BICD1: variants seen among roughly 807,000 people sequenced by gnomAD.
BICD1 encodes the protein BICD cargo adaptor 1.
A neutral mutation model predicts 92.5 loss-of-function variants in BICD1; 35 were observed. The ratio of observed to expected loss-of-function variants is 0.38; its 90% CI spans 0.29 to 0.50. BICD1 has a LOEUF of 0.50. BICD1 is among the 20% of genes least tolerant of loss of function. The pLI, the probability that BICD1 is intolerant of heterozygous loss-of-function variation, is 0.93. For synonymous variants in BICD1, 429 were observed against 465.1 expected (o/e 0.92, Z 1.00); for missense variants, 950 against 1,189.8 (o/e 0.80, Z 2.97).
chr12:32,317,558 G>T (rs182687566), intron 4 of BICD1, among the ~76,000 whole-genome samples: 1,548 of 152,138 alleles, frequency 0.01, 28 homozygotes, highest in African/African-American at 0.036. Flanking sequence ...GGGGTTGTTT[G>T]TTTTTTTCTT....
rs1939801417 is a variant in BICD1 at position 32,373,088 on chromosome 12, A to T, written c.2841-4452A>T. Among the ~76,000 whole-genome samples the T allele has an allele frequency of 2.0e-5, 3 of 152,190 alleles. No homozygotes were observed. In the South Asian group the frequency reaches 6.2e-4, roughly 31 times the overall value. On this transcript the variant is annotated intron_variant, in intron 9 of 9. Coordinates refer to ENST00000652176, the MANE Select transcript of BICD1 (RefSeq NM_001714.4). ...TATCAAGTAGTTTTCTACTTGGGAAAAAAAAAGAAACTTCCTGAAGATGTA... is the reference window on the plus strand; with the variant it reads ...TATCAAGTAGTTTTCTACTTGGGAATAAAAAAGAAACTTCCTGAAGATGTA...
At chr12:32,127,955 G>A (rs1942401428) in intron 1 of BICD1, among the ~76,000 whole-genome samples, 2 of 150,756 alleles carry the variant, frequency 1.3e-5, no homozygotes, top group South Asian at 4.2e-4. Flanking sequence ...CCAGGCTGCA[G>A]TGCAGTGGCG....
intron 1 of BICD1, among the ~76,000 whole-genome samples, chr12:32,206,684 A>G (rs1945067194): frequency 6.6e-6 from 1 of 152,236 alleles, no homozygotes; most frequent in Admixed American, 6.5e-5. Context: ...TAAATGCCCA[A>G]CAGTGTTCAC....
At chr12:32,372,432 A>T (rs1054447947) in intron 9 of BICD1, among the ~76,000 whole-genome samples, 9 of 152,288 alleles carry the variant, frequency 5.9e-5, no homozygotes, top group African/African-American at 1.7e-4. Context: ...GTGAACCAAG[A>T]TCACGCTTGG....
intron 1 of BICD1, among the ~76,000 whole-genome samples, chr12:32,209,838 C>T (rs1402180343): frequency 1.3e-5 from 2 of 152,098 alleles, no homozygotes; most frequent in Non-Finnish European, 1.5e-5. Context: ...CTGGGTTGCC[C>T]TCTATCCCTG....
intron 2 of BICD1, among the ~76,000 whole-genome samples, chr12:32,257,462 G>A (rs1340512861): frequency 6.6e-6 from 1 of 152,088 alleles, no homozygotes; most frequent in Non-Finnish European, 1.5e-5. Flanking sequence ...AGACTTCAAA[G>A]ACTTTAGAAA....
intron 1 of BICD1, among the ~76,000 whole-genome samples, chr12:32,178,470 C>G (rs1944182508): frequency 6.6e-6 from 1 of 151,906 alleles, no homozygotes; most frequent in African/African-American, 2.4e-5. Flanking sequence ...CAGGCTCGGC[C>G]CCAGTTCTTG....
At position 32,224,215 on chromosome 12, in the gene BICD1, GTC is replaced by G. The variant is rs550513085; in HGVS notation, c.426+7762_426+7763del. ...GTTTTCTGTTTCCTGGCCTGTTCCT[GTC>G]TCTCTTCTCCTCTCCATACTTGTTG... On this transcript the variant is annotated intron_variant, in intron 2 of 9. Transcript: ENST00000652176. Among the ~76,000 whole-genome samples, 190 of 152,278 alleles carry G rather than the reference GTC, an allele frequency of 1.2e-3. 1 individual carries two copies. The highest frequency in any genetic ancestry group is 4.2e-3 in the African/African-American group (173 of 41,546).
At chr12:32,213,552 C>A (rs575467843) in intron 1 of BICD1, among the ~76,000 whole-genome samples, 1 of 152,162 alleles carries the variant, frequency 6.6e-6, no homozygotes, top group Non-Finnish European at 1.5e-5. Flanking sequence ...CACACCACCA[C>A]GCCTGGCTAA....
intron 1 of BICD1, among the ~76,000 whole-genome samples, chr12:32,185,274 A>G (rs1416440438): frequency 6.6e-6 from 1 of 152,246 alleles, no homozygotes; most frequent in African/African-American, 2.4e-5. Context: ...TAAGCAATTT[A>G]TACTCTTGAT....
chr12:32,248,820 G>A (rs899465101), intron 2 of BICD1, among the ~76,000 whole-genome samples: 1 of 152,196 alleles, frequency 6.6e-6, no homozygotes, highest in African/African-American at 2.4e-5. Flanking sequence ...GTCTGGAAAA[G>A]CAGGTTGTTG....
intron 1 of BICD1, among the ~76,000 whole-genome samples, chr12:32,150,531 G>T (rs2121427858): frequency 6.6e-6 from 1 of 152,270 alleles, no homozygotes; most frequent in South Asian, 2.1e-4. Flanking sequence ...AGAGACTGAT[G>T]ATCTGAAAGG....
intron 4 of BICD1, among the ~76,000 whole-genome samples, chr12:32,314,799 G>T (rs1036561350): frequency 3.3e-5 from 5 of 150,490 alleles, no homozygotes; most frequent in African/African-American, 1.2e-4. Flanking sequence ...TCACTATGTT[G>T]CCCAGGCTGG....
At chr12:32,317,862 T>A (rs1276917176) in intron 4 of BICD1, among the ~76,000 whole-genome samples, 2 of 152,088 alleles carry the variant, frequency 1.3e-5, no homozygotes, top group Admixed American at 6.6e-5. Flanking sequence ...ATTTAAGTCT[T>A]TAATCCATCT....
At chr12:32,142,468 A>ATCTATCGG (rs1555134321) in intron 1 of BICD1, among the ~76,000 whole-genome samples, 6 of 117,084 alleles carry the variant, frequency 5.1e-5, no homozygotes, top group South Asian at 2.6e-4. Flanking sequence ...CTATCTATCT[A>ATCTATCGG]TCTATCTATC....
At chr12:32,334,327 T>G (rs1938010323) in intron 5 of BICD1, among the ~76,000 whole-genome samples, 189 bp from the exon 6 acceptor site, 1 of 152,160 alleles carries the variant, frequency 6.6e-6, no homozygotes, top group Non-Finnish European at 1.5e-5. Flanking sequence ...CATTATGAAT[T>G]CACAACACAT....
At chr12:32,220,088 T>C (rs1004479216) in intron 2 of BICD1, among the ~76,000 whole-genome samples, 30 of 152,218 alleles carry the variant, frequency 2.0e-4, no homozygotes, top group African/African-American at 4.8e-4. Flanking sequence ...ATACAAAAAC[T>C]AATTCAAGAT....
chr12:32,144,418 A>G (rs1194566974), intron 1 of BICD1, among the ~76,000 whole-genome samples: 1 of 152,224 alleles, frequency 6.6e-6, no homozygotes, highest in East Asian at 1.9e-4. Context: ...TTTTCTGCTC[A>G]TGAAAAATGT....
At chr12:32,355,024 A>G (rs1939044572) in intron 8 of BICD1, among the ~76,000 whole-genome samples, 1 of 152,188 alleles carries the variant, frequency 6.6e-6, no homozygotes, top group African/African-American at 2.4e-5. Flanking sequence ...TTAATTCACT[A>G]ACATTATTAA....
Sources: gnomAD v4.1 joint callset for allele counts (sites outside exome capture counted in the v4.1 genomes callset) on GRCh38, gnomAD v4.1.1 for gene constraint, MANE v1.5 for transcripts, NCBI Gene and HGNC (gene_info 2026-07-23, HGNC 2026-07-21) for gene names.